HS3ST3A1: variants seen among roughly 807,000 people sequenced by gnomAD.
HS3ST3A1 encodes heparan sulfate glucosamine 3-O-sulfotransferase 3A1.
A neutral mutation model predicts 25.7 loss-of-function variants in HS3ST3A1; 19 were observed. The ratio of observed to expected loss-of-function variants is 0.74; its 90% CI spans 0.52 to 1.08. HS3ST3A1 has a LOEUF of 1.08. Ranked by LOEUF, HS3ST3A1 falls within the 50% of genes least tolerant of loss-of-function variation. The pLI, the probability that HS3ST3A1 is intolerant of heterozygous loss-of-function variation, is 0.00. For synonymous variants in HS3ST3A1, 226 were observed against 278.6 expected (o/e 0.81, Z 1.88); for missense variants, 459 against 594.3 (o/e 0.77, Z 2.37).
intron 1 of HS3ST3A1, among the ~76,000 whole-genome samples, chr17:13,599,845 A>C (rs2142402028): frequency 6.6e-6 from 1 of 152,360 alleles, no homozygotes; most frequent in South Asian, 2.1e-4. Context: ...AGTTTCTGTC[A>C]GTCAAAAGAC....
intron 1 of HS3ST3A1, among the ~76,000 whole-genome samples, chr17:13,512,647 CT>C (rs1255997433): frequency 6.6e-6 from 1 of 152,118 alleles, no homozygotes; most frequent in Non-Finnish European, 1.5e-5. Context: ...TTATCTGGAC[CT>C]TTTCATAAAA....
rs927979637 is a variant in HS3ST3A1 at position 13,601,182 on chromosome 17, C to T, written c.-53G>A. 4.2e-5 allele frequency: 57 copies of T among 1,342,306 alleles called. No individual in the cohort carries two copies. The highest frequency in any genetic ancestry group is 5.4e-5 in the Non-Finnish European group (55 of 1,016,336). 83.1% of individuals were successfully genotyped at this position (1,342,306 alleles called of 1,614,324 possible). A position where few individuals can be genotyped will look rare whatever the true frequency, so the allele number is the denominator to read the frequency against. ...CGCCGGCCATGCTAGGCCTGGACCCCGACAGGTGCCAGAGCATCCCCCCGG... is the reference window on the plus strand; with the variant it reads ...CGCCGGCCATGCTAGGCCTGGACCCTGACAGGTGCCAGAGCATCCCCCCGG... On this transcript the variant is annotated 5_prime_UTR_variant, in exon 1 of 2. Transcript: ENST00000284110.
intron 1 of HS3ST3A1, among the ~76,000 whole-genome samples, chr17:13,535,816 G>GACATCATAACAAAAAATTTCCA (rs1906755639): frequency 6.6e-6 from 1 of 152,078 alleles, no homozygotes; most frequent in Non-Finnish European, 1.5e-5. Flanking sequence ...ATGGCAAGTT[G>GACATCATAACAAAAAATTTCCA]GTATCAAATG....
intron 1 of HS3ST3A1, among the ~76,000 whole-genome samples, chr17:13,567,633 T>A (rs897368401): frequency 3.3e-5 from 5 of 152,188 alleles, no homozygotes; most frequent in South Asian, 2.1e-4. Context: ...AGAAATTGAT[T>A]CCAACCCTCA....
chr17:13,591,227 G>A (rs563915019), intron 1 of HS3ST3A1, among the ~76,000 whole-genome samples: 21 of 151,366 alleles, frequency 1.4e-4, no homozygotes, highest in African/African-American at 5.1e-4. Flanking sequence ...TTGTATTTTG[G>A]GTAGAGACAG....
At chr17:13,592,605 C>T (rs754576928) in intron 1 of HS3ST3A1, among the ~76,000 whole-genome samples, 10 of 152,140 alleles carry the variant, frequency 6.6e-5, no homozygotes, top group Admixed American at 3.9e-4. Flanking sequence ...GTTGATAAAA[C>T]GGATCCAATA....
chr17:13,556,528 GAAAAT>G lies in HS3ST3A1; in HGVS notation c.599+43998_599+44002del, dbSNP rs1315579147. 1.7e-4 allele frequency among the ~76,000 whole-genome samples: 26 copies of G among 149,392 alleles called. 1 individual carries two copies. The highest frequency in any genetic ancestry group is 1.6e-3 in the Admixed American group (24 of 15,038). On this transcript the variant is annotated intron_variant, in intron 1 of 1. Transcript: ENST00000284110. Reference sequence around the variant, plus strand: ...GTCTCAAAAAAGAAATAAAATAAAAGAAAATAAAATAAATAGATAAAAAATAAAAA... The same window carrying G: ...GTCTCAAAAAAGAAATAAAATAAAAGAAAATAAATAGATAAAAAATAAAAA...
At chr17:13,536,776 A>T (rs1481002325) in intron 1 of HS3ST3A1, among the ~76,000 whole-genome samples, 1 of 152,184 alleles carries the variant, frequency 6.6e-6, no homozygotes, top group Non-Finnish European at 1.5e-5. Flanking sequence ...CACTCAAAAG[A>T]TCACCATACT....
intron 1 of HS3ST3A1, among the ~76,000 whole-genome samples, chr17:13,581,628 G>A (rs956080677): frequency 3.9e-5 from 6 of 152,254 alleles, no homozygotes; most frequent in African/African-American, 9.6e-5. Context: ...CAATGAGCAG[G>A]CAAGCAAGCA....
chr17:13,579,348 T>C (rs1413053409), intron 1 of HS3ST3A1, among the ~76,000 whole-genome samples: 1 of 152,142 alleles, frequency 6.6e-6, no homozygotes, highest in Non-Finnish European at 1.5e-5. Flanking sequence ...GTATCCCTTA[T>C]AATAGTCCCA....
At chr17:13,506,523 G>A (rs370989452) in intron 1 of HS3ST3A1, among the ~76,000 whole-genome samples, 59 of 152,256 alleles carry the variant, frequency 3.9e-4, no homozygotes, top group Admixed American at 1.2e-3. Flanking sequence ...CTGCATCAAC[G>A]GAATTGATTT....
At chr17:13,542,523 C>G (rs184762374) in intron 1 of HS3ST3A1, among the ~76,000 whole-genome samples, 19 of 152,082 alleles carry the variant, frequency 1.2e-4, no homozygotes, top group Non-Finnish European at 2.1e-4. Flanking sequence ...CAACCCTACC[C>G]ATCCTCAATC....
Position 13,551,894 on chromosome 17 carries a change from C to T in HS3ST3A1, c.599+48637G>A, listed in dbSNP as rs76963302. ...ATTTAACTTGAGGATTACTAGCTAA[C>T]GCTTCAGATCTGAGTCTACTCTATC... On this transcript the variant is annotated intron_variant, in intron 1 of 1. Transcript: ENST00000284110. Among the ~76,000 whole-genome samples, 1,319 of 152,234 alleles carry T rather than the reference C, an allele frequency of 8.7e-3. 24 individuals carry two copies. The highest frequency in any genetic ancestry group is 0.03 in the African/African-American group (1,261 of 41,516).
intron 1 of HS3ST3A1, among the ~76,000 whole-genome samples, chr17:13,512,305 CAA>C (rs67523378): frequency 0.33 from 26,457 of 80,822 alleles, 1,970 homozygotes; most frequent in Admixed American, 0.41. Context: ...GACTCCGTCT[CAA>C]AAAAAAAAAA....
rs977437292 is a variant in HS3ST3A1 at position 13,496,461 on chromosome 17, C to T, written c.957G>A (p.Pro319=). The T allele has an allele frequency of 1.1e-5, 15 of 1,385,234 alleles. No homozygotes were observed. Among genetic ancestry groups the T allele is most frequent in the South Asian group, 5.2e-5 (4 of 76,998 alleles). The allele number at this position is 1,385,234 out of a possible 1,614,324, so 85.8% of individuals were successfully genotyped here. ...CTTGCACGCGGCCCAGCTCCCCGGC[C>T]GGGTCGCTGATGAGCCGCTCGCCGC... The part of the protein sequence containing the change: ...FVSGERLISD[P]AGELGRVQDF... Residue 319 remains proline (P), a synonymous_variant, in exon 2 of 2, where the codon CCG becomes CCA. Coordinates refer to ENST00000284110, the MANE Select transcript of HS3ST3A1 (RefSeq NM_006042.3).
chr17:13,515,346 G>T (rs1210528318), intron 1 of HS3ST3A1, among the ~76,000 whole-genome samples: 1 of 152,098 alleles, frequency 6.6e-6, no homozygotes, highest in Non-Finnish European at 1.5e-5. Flanking sequence ...TTTTAGTAGA[G>T]ATGGGTTTTC....
intron 1 of HS3ST3A1, among the ~76,000 whole-genome samples, chr17:13,505,882 G>A (rs1905649431): frequency 6.6e-6 from 1 of 151,830 alleles, no homozygotes; most frequent in Non-Finnish European, 1.5e-5. Context: ...AAATTAGCCG[G>A]GTGTGGTGGC....
chr17:13,578,713 A>G (rs555775582), intron 1 of HS3ST3A1, among the ~76,000 whole-genome samples: 134 of 152,196 alleles, frequency 8.8e-4, no homozygotes, highest in Non-Finnish European at 1.5e-3. Flanking sequence ...GGTAATACTG[A>G]ACGAATGAAT....
At chr17:13,564,117 C>G (rs944091632) in intron 1 of HS3ST3A1, among the ~76,000 whole-genome samples, 1 of 152,154 alleles carries the variant, frequency 6.6e-6, no homozygotes, top group African/African-American at 2.4e-5. Flanking sequence ...AATTCTGCCT[C>G]CATCAGCAGC....
Sources: gnomAD v4.1 joint callset for allele counts (sites outside exome capture counted in the v4.1 genomes callset) on GRCh38, gnomAD v4.1.1 for gene constraint, MANE v1.5 for transcripts, NCBI Gene and HGNC (gene_info 2026-07-23, HGNC 2026-07-21) for gene names.